RNF24: variants seen among roughly 807,000 people sequenced by gnomAD.
RNF24 encodes the protein ring finger protein 24.
In RNF24, 14 loss-of-function variants were observed where a neutral mutation model predicts 20.0. The ratio of observed to expected loss-of-function variants is 0.70; its 90% CI spans 0.46 to 1.10. RNF24 has a LOEUF of 1.10. Among genes scored for constraint, RNF24 ranks in the 50% least tolerant of loss-of-function variants. RNF24 has a pLI of 0.00. For missense variants in RNF24, 124 were observed against 177.6 expected (o/e 0.70, Z 1.71); for synonymous variants, 45 against 61.1 (o/e 0.74, Z 1.23).
chr20:3,955,290 A>G (rs1393075272), intron 2 of RNF24, among the ~76,000 whole-genome samples: 1 of 152,158 alleles, frequency 6.6e-6, no homozygotes, highest in African/African-American at 2.4e-5. Flanking sequence ...TTTTTCTCCC[A>G]TTCTGTAGGT....
chr20:3,994,970 T>C (rs1240844128), intron 1 of RNF24, among the ~76,000 whole-genome samples: 2 of 152,228 alleles, frequency 1.3e-5, no homozygotes, highest in Non-Finnish European at 2.9e-5. Context: ...TCTTTCATTG[T>C]ACAGCCTTAA....
In RNF24 at chr20:3,964,040, A is replaced by C. The variant is rs763537236; in HGVS notation, c.-7-16T>G. 6.2e-7 allele frequency: 1 copy of C among 1,608,954 alleles called. No homozygotes were observed. Among genetic ancestry groups the C allele is most frequent in the South Asian group, 1.1e-5 (1 of 90,120 alleles). On this transcript the variant is annotated splice_polypyrimidine_tract_variant and intron_variant, in intron 1 of 5. Transcript: ENST00000358395. ...CATGGATGAACTGTGGGGGAAGAAA[A>C]GAATGGAAAAAAAATAGGTAAAGAC...
At chr20:3,964,501 G>A (rs1270825404) in intron 1 of RNF24, among the ~76,000 whole-genome samples, 2 of 151,662 alleles carry the variant, frequency 1.3e-5, no homozygotes, top group East Asian at 3.9e-4. Context: ...AGTATTAAAG[G>A]GTCATGAAAA....
chr20:3,993,067 C>CT (rs34748549), intron 1 of RNF24, among the ~76,000 whole-genome samples: 1 of 151,800 alleles, frequency 6.6e-6, no homozygotes, highest in Non-Finnish European at 1.5e-5. Flanking sequence ...ACTGGAGAAC[C>CT]TTTTTTTTCC....
Position 3,935,015 on chromosome 20 carries a change from C to T in RNF24, c.287G>A (p.Cys96Tyr). 6.2e-7 allele frequency: 1 copy of T among 1,613,978 alleles called. No individual in the cohort carries two copies. The highest frequency in any genetic ancestry group is 1.3e-5 in the African/African-American group (1 of 75,044). ...KPRDELGICP[C>Y]KHAFHRKCLI... is the part of the protein sequence containing the mutation. ...TTACTTTCTGTGGAAGGCGTGCTTA[C>T]ATGGGCAAATCCCCAACTCATCTCG... The change falls in exon 5 of 6, where the codon TGT (cysteine) becomes TAT (tyrosine). Residue 96 changes from cysteine (C) to tyrosine (Y), a missense_variant. Physicochemically the swap from Cys to Tyr is radical, Grantham distance 194. Transcript: ENST00000358395.
chr20:4,008,985 T>C (rs903491344), intron 1 of RNF24, among the ~76,000 whole-genome samples: 7 of 152,180 alleles, frequency 4.6e-5, no homozygotes, highest in African/African-American at 1.7e-4. Flanking sequence ...ACATGGATTC[T>C]CTTGTTAGAA....
chr20:3,979,930 G>T (rs1334049300), intron 1 of RNF24, among the ~76,000 whole-genome samples: 2 of 151,774 alleles, frequency 1.3e-5, no homozygotes, highest in Admixed American at 6.6e-5. Context: ...CTGGAAAGTA[G>T]AAAAAGAACA....
chr20:3,981,003 T>A (rs1979336630), intron 1 of RNF24, among the ~76,000 whole-genome samples: 1 of 151,708 alleles, frequency 6.6e-6, no homozygotes. Flanking sequence ...CCTGAATGCT[T>A]ATGGGTTACA....
chr20:3,946,558 G>T (rs1015051378), intron 3 of RNF24, among the ~76,000 whole-genome samples: 4 of 151,766 alleles, frequency 2.6e-5, no homozygotes, highest in Admixed American at 2.6e-4. Context: ...GGGTGGTGGT[G>T]TGCGCCTGTA....
intron 4 of RNF24, among the ~76,000 whole-genome samples, chr20:3,943,889 T>C (rs577107538): frequency 6.6e-6 from 1 of 152,214 alleles, no homozygotes; most frequent in East Asian, 1.9e-4. Flanking sequence ...TGGCCATGTG[T>C]CAAAATTAAC....
At position 3,934,027 on chromosome 20, in the gene RNF24, C is replaced by T. The variant is rs369339707; in HGVS notation, c.*36G>A. ...TGTGTTCCTCCTGGCTCCACACAGACGTCGTGTCCAGCAACAGTCTGATCC... is the reference window on the plus strand; with the variant it reads ...TGTGTTCCTCCTGGCTCCACACAGATGTCGTGTCCAGCAACAGTCTGATCC... On this transcript the variant is annotated 3_prime_UTR_variant, in exon 6 of 6. Transcript: ENST00000358395. This position sits in a 1 kb window ranked among gnomAD's most constrained non-coding sequence, Gnocchi z 4.0. 4.1e-5 allele frequency: 59 copies of T among 1,423,640 alleles called. No individual in the cohort carries two copies. Among genetic ancestry groups the T allele is most frequent in the Non-Finnish European group, 5.0e-5 (54 of 1,083,762 alleles). 88.2% of individuals were successfully genotyped at this position (1,423,640 alleles called of 1,614,324 possible). A position where few individuals can be genotyped will look rare whatever the true frequency, so the allele number is the denominator to read the frequency against.
intron 2 of RNF24, among the ~76,000 whole-genome samples, chr20:3,954,206 A>G (rs764213346): frequency 1.9e-4 from 29 of 152,114 alleles, no homozygotes; most frequent in Admixed American, 6.6e-5. Context: ...CATCACTCCA[A>G]CAAAACACCT....
chr20:3,954,899 A>C (rs1310645538), intron 2 of RNF24, among the ~76,000 whole-genome samples: 1 of 141,486 alleles, frequency 7.1e-6, no homozygotes, highest in African/African-American at 2.7e-5. Context: ...ACTCCATCTC[A>C]AGAAAAAAAA....
rs986734227 is a variant in RNF24 at position 3,930,651 on chromosome 20, T to C, written c.*3412A>G. The C allele has an allele frequency of 6.6e-6, 1 of 152,288 alleles. No homozygotes were observed. Among genetic ancestry groups the C allele is most frequent in the Non-Finnish European group, 1.5e-5 (1 of 68,106 alleles). 9.4% of individuals were successfully genotyped at this position (152,288 alleles called of 1,614,324 possible). A position where few individuals can be genotyped will look rare whatever the true frequency, so the allele number is the denominator to read the frequency against. On this transcript the variant is annotated 3_prime_UTR_variant, in exon 6 of 6. Coordinates refer to ENST00000358395, the MANE Select transcript of RNF24 (RefSeq NM_001134337.3). ...ACTGCCCTGGATGTATCAGGATGTA[T>C]TTCATAATGCCCAAAAAGCCTCTGA... is the stretch of plus-strand genomic sequence containing the variant.
In RNF24 at chr20:3,927,861, T is replaced by TA. The variant is rs1479282260; in HGVS notation, c.*6201dup. The TA allele has an allele frequency of 1.3e-5, 2 of 152,200 alleles. No individual in the cohort carries two copies. The highest frequency in any genetic ancestry group is 4.8e-5 in the African/African-American group (2 of 41,438). The allele number at this position is 152,200 out of a possible 1,614,324, so 9.4% of individuals were successfully genotyped here. ...AGTCTGCTGACACTGGTGGGGCCCT[T>TA]ACAGTCACAGAAGTAAGGACTGGAT... On this transcript the variant is annotated 3_prime_UTR_variant, in exon 6 of 6. Transcript: ENST00000358395.
At chr20:3,952,869 A>T (rs181063550) in intron 2 of RNF24, among the ~76,000 whole-genome samples, 9 of 152,258 alleles carry the variant, frequency 5.9e-5, no homozygotes, top group Admixed American at 2.0e-4. Context: ...CTTGGAACAA[A>T]CCTCATTTGG....
intron 1 of RNF24, among the ~76,000 whole-genome samples, chr20:3,996,964 T>A (rs1465040362): frequency 2.0e-5 from 3 of 152,058 alleles, no homozygotes; most frequent in Non-Finnish European, 4.4e-5. Context: ...CTCACGCCTG[T>A]AATCCCAGCA....
At chr20:3,942,964 C>T (rs563366915) in intron 4 of RNF24, among the ~76,000 whole-genome samples, 34 of 151,978 alleles carry the variant, frequency 2.2e-4, no homozygotes, top group Admixed American at 1.4e-3. Flanking sequence ...TACAGGTGTC[C>T]ATCACCGCGC....
intron 1 of RNF24, among the ~76,000 whole-genome samples, chr20:4,006,885 T>C (rs1226905648): frequency 6.6e-6 from 1 of 152,218 alleles, no homozygotes; most frequent in East Asian, 1.9e-4. Context: ...AAGTGTCTGG[T>C]TCCTACCTCC....
Sources: gnomAD v4.1 joint callset for allele counts (sites outside exome capture counted in the v4.1 genomes callset) on GRCh38, gnomAD v4.1.1 for gene constraint, Gnocchi (gnomAD v3.1) non-coding constraint, MANE v1.5 for transcripts, NCBI Gene and HGNC (gene_info 2026-07-23, HGNC 2026-07-21) for gene names.